Variants in ERC2 observed in about 807,000 individuals in gnomAD.
ERC2 encodes the protein ELKS/RAB6-interacting/CAST family member 2.
Under a neutral mutation model 114.8 loss-of-function variants are expected in ERC2, and 42 were observed. That is an observed-to-expected ratio of 0.37 (90% CI 0.29 to 0.47). The LOEUF (loss-of-function observed/expected upper bound fraction) is 0.47, where lower values mean the gene tolerates loss of function less well. Ranked by LOEUF, ERC2 falls within the 20% of genes least tolerant of loss-of-function variation. ERC2 has a pLI of 0.99. For synonymous variants in ERC2, 454 were observed against 425.5 expected, an observed-to-expected ratio of 1.07 and a Z score of -0.82; for missense variants, 939 against 1,150.7, an observed-to-expected ratio of 0.82 and a Z score of 2.66.
intron 17 of ERC2, among the ~76,000 whole-genome samples, chr3:55,633,041 T>TTATC (rs2148631692): frequency 6.6e-6 from 1 of 152,336 alleles, no homozygotes; most frequent in African/African-American, 2.4e-5. Context: ...TTATTGCCTA[T>TTATC]TATCTCCTAG....
intron 17 of ERC2, among the ~76,000 whole-genome samples, chr3:55,574,890 T>C (rs2056895835): frequency 6.6e-6 from 1 of 152,164 alleles, no homozygotes; most frequent in Non-Finnish European, 1.5e-5. Context: ...TCTAAACCCC[T>C]AGCTGACCCC....
At chr3:56,016,197 G>A (rs950312232) in intron 8 of ERC2, among the ~76,000 whole-genome samples, 1 of 152,118 alleles carries the variant, frequency 6.6e-6, no homozygotes, top group Non-Finnish European at 1.5e-5. Context: ...CTGTGCAAAA[G>A]CTCTTTAGTC....
At chr3:56,245,649 T>G (rs1379155723) in intron 3 of ERC2, among the ~76,000 whole-genome samples, 2 of 151,928 alleles carry the variant, frequency 1.3e-5, no homozygotes. Flanking sequence ...GTTCAAGCAA[T>G]TCTCCTGCCT....
intron 14 of ERC2, among the ~76,000 whole-genome samples, chr3:55,737,831 T>TAATTATCAAATC (rs2065733187): frequency 6.6e-6 from 1 of 152,182 alleles, no homozygotes. Context: ...GTGACTAGCT[T>TAATTATCAAATC]TGAAAGACAG....
chr3:56,367,031 A>G (rs1485372142), intron 2 of ERC2, among the ~76,000 whole-genome samples: 1 of 152,066 alleles, frequency 6.6e-6, no homozygotes, highest in Non-Finnish European at 1.5e-5. Context: ...ACTTTCACCA[A>G]CTGCTGGGAC....
intron 2 of ERC2, among the ~76,000 whole-genome samples, chr3:56,422,051 A>C (rs2107238825): frequency 6.6e-6 from 1 of 152,306 alleles, no homozygotes; most frequent in Non-Finnish European, 1.5e-5. Context: ...ATGTGGAACA[A>C]AAGACAAAGC....
chr3:56,152,291 G>A (rs557267422), intron 4 of ERC2, among the ~76,000 whole-genome samples: 102 of 151,824 alleles, frequency 6.7e-4, no homozygotes, highest in African/African-American at 2.4e-3. Flanking sequence ...GTCAATTCCT[G>A]AAAAAAAATT....
intron 14 of ERC2, among the ~76,000 whole-genome samples, chr3:55,768,352 C>G (rs1020425126): frequency 2.0e-5 from 3 of 152,190 alleles, no homozygotes; most frequent in Non-Finnish European, 4.4e-5. Flanking sequence ...ATCGCTCATT[C>G]TTCCACTCAA....
chr3:56,459,186 A>G (rs1386604718), intron 1 of ERC2, among the ~76,000 whole-genome samples: 1 of 152,222 alleles, frequency 6.6e-6, no homozygotes, highest in East Asian at 1.9e-4. Context: ...AATATGCCAC[A>G]TAAGAACTGG....
chr3:56,163,341 G>C (rs2082154279), intron 4 of ERC2, among the ~76,000 whole-genome samples: 1 of 152,078 alleles, frequency 6.6e-6, no homozygotes, highest in Admixed American at 6.6e-5. Context: ...CATATATTCT[G>C]TGGTTGATGA....
chr3:55,811,356 G>A (rs906763021), intron 14 of ERC2, among the ~76,000 whole-genome samples: 7 of 152,230 alleles, frequency 4.6e-5, no homozygotes, highest in African/African-American at 1.7e-4. Flanking sequence ...TCTCTCTCAA[G>A]TGGTCTTCAC....
In ERC2 at chr3:56,258,046, T is replaced by C. The variant is rs1386782755; in HGVS notation, c.1074+37973A>G. On this transcript the variant is annotated intron_variant, in intron 3 of 17. Coordinates refer to ENST00000288221, the MANE Select transcript of ERC2 (RefSeq NM_015576.3). ...TCCTTTCATTCTTCATATCAAGTCA[T>C]GCACAGAAGCCTGAGAGCAAAAAGG... Among the ~76,000 whole-genome samples the C allele has an allele frequency of 2.0e-5, 3 of 152,160 alleles. No homozygotes were observed. The South Asian group carries it at 6.2e-4, about 32-fold the overall frequency.
At chr3:55,768,691 C>T (rs1007943396) in intron 14 of ERC2, among the ~76,000 whole-genome samples, 25 of 152,092 alleles carry the variant, frequency 1.6e-4, no homozygotes, top group African/African-American at 5.1e-4. Flanking sequence ...TAAGTGTAAA[C>T]GCTGTGAGGC....
chr3:56,229,152 G>C (rs764411768), intron 3 of ERC2, among the ~76,000 whole-genome samples: 1 of 152,128 alleles, frequency 6.6e-6, no homozygotes, highest in Non-Finnish European at 1.5e-5. Context: ...TGAGGATACA[G>C]CAGTGAACAA....
chr3:56,234,409 G>A (rs1314784470), intron 3 of ERC2, among the ~76,000 whole-genome samples: 1 of 152,100 alleles, frequency 6.6e-6, no homozygotes, highest in Non-Finnish European at 1.5e-5. Flanking sequence ...GGAGAGCTGG[G>A]AATTTAATTC....
intron 4 of ERC2, among the ~76,000 whole-genome samples, chr3:56,168,795 G>T (rs2082460927): frequency 6.6e-6 from 1 of 152,120 alleles, no homozygotes; most frequent in Non-Finnish European, 1.5e-5. Context: ...TTATCTGCCT[G>T]GGCACAAAGA....
At chr3:55,850,860 A>ACACACACACG in intron 14 of ERC2, among the ~76,000 whole-genome samples, 1 of 150,180 alleles carries the variant, frequency 6.7e-6, no homozygotes, top group African/African-American at 2.5e-5. Context: ...ACACACACAC[A>ACACACACACG]CACACACACA....
chr3:56,423,181 T>G (rs1038528305), intron 2 of ERC2, among the ~76,000 whole-genome samples: 2 of 152,240 alleles, frequency 1.3e-5, no homozygotes, highest in Non-Finnish European at 2.9e-5. Flanking sequence ...ATGAATCATG[T>G]TTTAGTTTTT....
At chr3:55,609,893 G>A (rs896696984) in intron 17 of ERC2, among the ~76,000 whole-genome samples, 4 of 151,964 alleles carry the variant, frequency 2.6e-5, no homozygotes, top group Admixed American at 6.6e-5. Context: ...CAGAAGATCT[G>A]CCTCCACCCT....
Sources: allele counts gnomAD v4.1 joint callset (sites outside exome capture counted in the v4.1 genomes callset), GRCh38; gene constraint gnomAD v4.1.1; transcripts MANE v1.5; gene names NCBI Gene and HGNC (gene_info 2026-07-23, HGNC 2026-07-21).